Variants in CA10 observed in about 807,000 individuals in gnomAD.
CA10 encodes the protein carbonic anhydrase 10 (inactive), also known as carbonic anhydrase-related protein 10.
In CA10, 14 loss-of-function variants were observed where a neutral mutation model predicts 44.2. The ratio of observed to expected loss-of-function variants is 0.32; its 90% CI spans 0.21 to 0.50. The LOEUF (loss-of-function observed/expected upper bound fraction) is 0.50. CA10 is among the 20% of genes least tolerant of loss of function. CA10 has a pLI of 0.99. For synonymous variants in CA10, 159 were observed against 141.6 expected, an observed-to-expected ratio of 1.12 and a Z score of -0.87; for missense variants, 350 against 409.7, an observed-to-expected ratio of 0.85 and a Z score of 1.26.
At chr17:52,055,532 C>T (rs549256824) in intron 2 of CA10, among the ~76,000 whole-genome samples, 1 of 151,932 alleles carries the variant, frequency 6.6e-6, no homozygotes, top group African/African-American at 2.4e-5. Context: ...ATGTTGGAGG[C>T]TCCAAGAATG....
chr17:52,059,590 G>A (rs1413283368), intron 2 of CA10, among the ~76,000 whole-genome samples: 1 of 151,958 alleles, frequency 6.6e-6, no homozygotes, highest in Non-Finnish European at 1.5e-5. Context: ...GTTAACAGGT[G>A]CAGCCCACCA....
chr17:52,063,616 G>A (rs1451385613), intron 2 of CA10, among the ~76,000 whole-genome samples: 1 of 152,072 alleles, frequency 6.6e-6, no homozygotes, highest in Non-Finnish European at 1.5e-5. Context: ...CAATTTCTCT[G>A]TATCTCTTGC....
chr17:52,020,360 A>G (rs1986099069), intron 2 of CA10, among the ~76,000 whole-genome samples: 1 of 151,976 alleles, frequency 6.6e-6, no homozygotes, highest in African/African-American at 2.4e-5. Flanking sequence ...ACTCAAAACA[A>G]TATTAGTAGC....
intron 3 of CA10, among the ~76,000 whole-genome samples, chr17:51,749,356 G>T (rs982325002): frequency 1.3e-5 from 2 of 152,184 alleles, no homozygotes; most frequent in Non-Finnish European, 2.9e-5. Flanking sequence ...GAGGGCATGC[G>T]TGTTTTCTTC....
At chr17:51,945,324 G>A (rs980629334) in intron 2 of CA10, among the ~76,000 whole-genome samples, 1 of 152,148 alleles carries the variant, frequency 6.6e-6, no homozygotes, top group Non-Finnish European at 1.5e-5. Context: ...CTTTCCGGGA[G>A]ACTGGGGCTC....
chr17:52,006,605 C>A (rs1567700312), intron 2 of CA10, among the ~76,000 whole-genome samples: 1 of 151,746 alleles, frequency 6.6e-6, no homozygotes, highest in Non-Finnish European at 1.5e-5. Flanking sequence ...TATCACCTAT[C>A]TGCATCTCCA....
chr17:52,012,350 A>C (rs203002), intron 2 of CA10, among the ~76,000 whole-genome samples: 1 of 151,834 alleles, frequency 6.6e-6, no homozygotes, highest in African/African-American at 2.4e-5. Flanking sequence ...GGAGAATCAA[A>C]GAATGAATAT....
At chr17:52,091,667 A>T (rs1337516939) in intron 1 of CA10, among the ~76,000 whole-genome samples, 4 of 152,182 alleles carry the variant, frequency 2.6e-5, no homozygotes, top group Non-Finnish European at 5.9e-5. Flanking sequence ...AGCTCAGGGA[A>T]CTTGGTAACA....
chr17:51,956,976 G>A (rs1464242838), intron 2 of CA10, among the ~76,000 whole-genome samples: 1 of 152,036 alleles, frequency 6.6e-6, no homozygotes, highest in African/African-American at 2.4e-5. Context: ...AAGTCCAAAT[G>A]GCACCTGGAG....
In CA10 at chr17:51,824,693, G is replaced by A. The variant is rs79976932; in HGVS notation, c.280-76875C>T. The stretch of plus-strand genomic sequence containing the variant: ...CCCTGCACTCTAATCATAGTTATGC[G>A]TTGAATCTTTTATTCTTTGGGCATT... On this transcript the variant is annotated intron_variant, in intron 3 of 8. Coordinates refer to ENST00000451037, the MANE Select transcript of CA10 (RefSeq NM_020178.5). Among the ~76,000 whole-genome samples the A allele has an allele frequency of 3.6e-3, 554 of 152,276 alleles. 3 individuals are homozygous for A. Among genetic ancestry groups the A allele is most frequent in the African/African-American group, 0.013 (525 of 41,550 alleles).
chr17:51,952,014 A>G (rs2144034805), intron 2 of CA10, among the ~76,000 whole-genome samples: 1 of 152,334 alleles, frequency 6.6e-6, no homozygotes, highest in African/African-American at 2.4e-5. Context: ...AAATCAAAAC[A>G]TTGTGATGTT....
At position 51,633,470 on chromosome 17, in the gene CA10, A is replaced by C. The variant is rs1912680772; in HGVS notation, c.964+6T>G. 6.2e-7 allele frequency: 1 copy of C among 1,610,322 alleles called. No individual in the cohort carries two copies. Among genetic ancestry groups the C allele is most frequent in the Non-Finnish European group, 8.5e-7 (1 of 1,177,656 alleles). ...GATCCTCCACTCTCTGAGCCACCAA[A>C]CCCACCTCTATACTGAAGCTTCTGG... On this transcript the variant is annotated splice_donor_region_variant and intron_variant, in intron 8 of 8. Coordinates refer to ENST00000451037, the MANE Select transcript of CA10 (RefSeq NM_020178.5).
At chr17:51,693,767 C>A (rs1032724659) in intron 4 of CA10, among the ~76,000 whole-genome samples, 6 of 152,206 alleles carry the variant, frequency 3.9e-5, no homozygotes, top group South Asian at 2.1e-4. Flanking sequence ...CTAGGTTGAT[C>A]CACGTCTTTG....
At chr17:52,095,825 G>A (rs1438856045) in intron 1 of CA10, among the ~76,000 whole-genome samples, 2 of 152,110 alleles carry the variant, frequency 1.3e-5, no homozygotes, top group Non-Finnish European at 2.9e-5. Flanking sequence ...AATGTTTTAC[G>A]TATGCCGTTC....
chr17:51,972,169 T>G (rs1342354892), intron 2 of CA10, among the ~76,000 whole-genome samples: 1 of 152,034 alleles, frequency 6.6e-6, no homozygotes, highest in Non-Finnish European at 1.5e-5. Flanking sequence ...AAGAACAAGA[T>G]TACAGAAGAA....
chr17:52,085,154 C>A (rs1988085022), intron 1 of CA10, among the ~76,000 whole-genome samples: 1 of 152,132 alleles, frequency 6.6e-6, no homozygotes, highest in African/African-American at 2.4e-5. Flanking sequence ...CCTTCAATAC[C>A]CATGGAGTGA....
At chr17:52,090,630 G>A (rs1039937561) in intron 1 of CA10, among the ~76,000 whole-genome samples, 1 of 152,052 alleles carries the variant, frequency 6.6e-6, no homozygotes, top group Non-Finnish European at 1.5e-5. Context: ...TTTAAAATAG[G>A]TAAATAGAAT....
In CA10 at chr17:51,898,344, A is replaced by G. The variant is rs149142714; in HGVS notation, c.279+32646T>C. ...AGTTTTTTAGTTCTGCTTATGTGAT[A>G]AATAACATTTATTGATTTGCCTATG... is the stretch of plus-strand genomic sequence containing the variant. On this transcript the variant is annotated intron_variant, in intron 3 of 8. Transcript: ENST00000451037. Among the ~76,000 whole-genome samples the G allele has an allele frequency of 3.0e-3, 464 of 152,158 alleles. 2 individuals are homozygous for G. Among genetic ancestry groups the G allele is most frequent in the African/African-American group, 0.011 (448 of 41,530 alleles).
chr17:51,841,529 CAATAAATAG>C (rs1272491162), intron 3 of CA10, among the ~76,000 whole-genome samples: 1 of 152,132 alleles, frequency 6.6e-6, no homozygotes, highest in Non-Finnish European at 1.5e-5. Flanking sequence ...AAATAAACTC[CAATAAATAG>C]GATAAATAGC....
Sources: gnomAD v4.1 joint callset for allele counts (sites outside exome capture counted in the v4.1 genomes callset) on GRCh38, gnomAD v4.1.1 for gene constraint, MANE v1.5 for transcripts, NCBI Gene and HGNC (gene_info 2026-07-23, HGNC 2026-07-21) for gene names.